UBE2W: variants seen among roughly 807,000 people sequenced by gnomAD.
The protein encoded by UBE2W is ubiquitin-conjugating enzyme E2 W.
In UBE2W, 18 loss-of-function variants were observed where a neutral mutation model predicts 27.2. That is an observed-to-expected ratio of 0.66 (90% CI 0.46 to 0.98). The LOEUF is 0.98. Ranked by LOEUF, UBE2W falls within the 50% of genes least tolerant of loss-of-function variation. The pLI, the probability that UBE2W is intolerant of heterozygous loss-of-function variation, is 0.00. For synonymous variants in UBE2W, 53 were observed against 57.2 expected (o/e 0.93, Z 0.33); for missense variants, 90 against 180.2 (o/e 0.50, Z 2.87).
intron 5 of UBE2W, 26 bp from the exon 6 acceptor site, chr8:73,794,141 A>G (rs747684009): frequency 1.1e-5 from 17 of 1,610,758 alleles, no homozygotes; most frequent in Non-Finnish European, 1.4e-5. Flanking sequence ...AAAAAAGATA[A>G]TTAAAAAGTC....
Position 73,804,724 on chromosome 8 carries a change from C to CTT in UBE2W, c.442+925_442+926dup, listed in dbSNP as rs530482301. Among the ~76,000 whole-genome samples the CTT allele has an allele frequency of 1.7e-4, 25 of 145,442 alleles. No homozygotes were observed. The South Asian group carries it at 5.5e-3, about 32-fold the overall frequency. On this transcript the variant is annotated intron_variant, in intron 5 of 5. Coordinates refer to ENST00000602593, the MANE Select transcript of UBE2W (RefSeq NM_018299.6). ...ACAACAGACTTCCCAGTAACTAGTT[C>CTT]TTTTTTTTTTTTCCTTTGGAGATAG...
chr8:73,845,722 A>G (rs1022874935), intron 1 of UBE2W, among the ~76,000 whole-genome samples: 2 of 150,580 alleles, frequency 1.3e-5, no homozygotes, highest in Non-Finnish European at 3.0e-5. Context: ...AAAAAATTTA[A>G]AAAAAAAAAG....
intron 5 of UBE2W, chr8:73,796,694 T>C (rs1033127602): frequency 4.1e-6 from 4 of 980,122 alleles, no homozygotes; most frequent in African/African-American, 1.7e-5. Context: ...ATGATGGCTA[T>C]ATGTAATCAA....
chr8:73,828,225 T>C (rs7823060), intron 2 of UBE2W, among the ~76,000 whole-genome samples: 148,602 of 152,278 alleles, frequency 0.98, 72,516 homozygotes, highest in African/African-American at 0.99. Context: ...TTTCTTCACA[T>C]ATCATGGTTC....
rs1491124189 is a variant in UBE2W at position 73,791,263 on chromosome 8, C to CAAA, written c.*2836_*2838dup. On this transcript the variant is annotated 3_prime_UTR_variant, in exon 6 of 6. Transcript: ENST00000602593. ...CCTATGGCATTAATCCCTACTTGAC[C>CAAA]AAAGAAAAAAAAAAAAAAGAAGGGC... The CAAA allele has an allele frequency of 2.5e-4, 238 of 961,356 alleles. 3 individuals carry two copies. In the African/African-American group the frequency reaches 5.0e-3, roughly 20 times the overall value. The allele number at this position is 961,356 out of a possible 1,614,324, so 59.6% of individuals were successfully genotyped here. A position where few individuals can be genotyped will look rare whatever the true frequency, so the allele number is the denominator to read the frequency against.
At chr8:73,859,482 G>A (rs1425396604) in intron 1 of UBE2W, among the ~76,000 whole-genome samples, 2 of 152,134 alleles carry the variant, frequency 1.3e-5, no homozygotes, top group African/African-American at 4.8e-5. Context: ...CTCCAGCCTG[G>A]GTGACAGAGT....
At chr8:73,823,122 A>G (rs2130895939) in intron 3 of UBE2W, among the ~76,000 whole-genome samples, 2 of 152,286 alleles carry the variant, frequency 1.3e-5, no homozygotes, top group South Asian at 4.2e-4. Context: ...GAAGAGTGAG[A>G]AGAGTAACAC....
At chr8:73,865,480 T>C (rs1314937249) in intron 1 of UBE2W, among the ~76,000 whole-genome samples, 1 of 152,096 alleles carries the variant, frequency 6.6e-6, no homozygotes, top group African/African-American at 2.4e-5. Flanking sequence ...GGTGTAGTGG[T>C]GTGCACCTGT....
At chr8:73,838,425 C>T (rs921225262) in intron 1 of UBE2W, among the ~76,000 whole-genome samples, 20 of 152,118 alleles carry the variant, frequency 1.3e-4, no homozygotes, top group South Asian at 2.1e-4. Context: ...CAACAGCCTG[C>T]GATATGCGAC....
intron 3 of UBE2W, among the ~76,000 whole-genome samples, chr8:73,821,772 G>A (rs1809625323): frequency 6.6e-6 from 1 of 152,030 alleles, no homozygotes; most frequent in African/African-American, 2.4e-5. Flanking sequence ...CCAAGGAGGT[G>A]GGCTGATCGC....
Position 73,830,464 on chromosome 8 carries a change from T to C in UBE2W, c.24A>G (p.Leu8=), listed in dbSNP as rs200924920. The C allele has an allele frequency of 9.9e-5, 159 of 1,613,400 alleles. No individual in the cohort carries two copies. The highest frequency in any genetic ancestry group is 4.0e-5 in the Non-Finnish European group (47 of 1,179,480). The part of the protein sequence containing the change: MASMQKR[L]QKELLALQND... The stretch of plus-strand genomic sequence containing the variant: ...TTTGCAAAGCCAACAGTTCTTTCTG[T>C]AGTCGTTTCTAGAAAAGAACATCAA... Residue 8 remains leucine, a synonymous_variant, in exon 2 of 6, where the codon CTA becomes CTG. Transcript: ENST00000602593.
At chr8:73,870,135 A>T in intron 1 of UBE2W, 2 of 923,252 alleles carry the variant, frequency 2.2e-6, no homozygotes, top group Non-Finnish European at 3.4e-6. Context: ...GGTAAGTTTT[A>T]TATGTGGATT....
chr8:73,800,258 A>G (rs113804217), intron 5 of UBE2W, among the ~76,000 whole-genome samples: 8,068 of 152,310 alleles, frequency 0.053, 691 homozygotes, highest in African/African-American at 0.18. Flanking sequence ...TCAATGTGTA[A>G]CAAATATTTC....
Position 73,792,832 on chromosome 8 carries a change from G to C in UBE2W, c.*1270C>G, listed in dbSNP as rs1403658543. The C allele has an allele frequency of 3.0e-6, 3 of 985,136 alleles. No individual in the cohort carries two copies. In the East Asian group the frequency reaches 3.4e-4, roughly 112 times the overall value. The allele number at this position is 985,136 out of a possible 1,614,324, so 61.0% of individuals were successfully genotyped here. On this transcript the variant is annotated 3_prime_UTR_variant, in exon 6 of 6. Coordinates refer to ENST00000602593, the MANE Select transcript of UBE2W (RefSeq NM_018299.6). ...AAAGTTTCATCTAGCTGTAAGCAAA[G>C]TCTTTTCAACAACAACAAAACAAAA... is the stretch of plus-strand genomic sequence containing the variant.
intron 1 of UBE2W, among the ~76,000 whole-genome samples, chr8:73,842,562 A>G (rs1436806843): frequency 7.0e-6 from 1 of 143,398 alleles, no homozygotes; most frequent in African/African-American, 2.6e-5. Flanking sequence ...AAAAAAAATG[A>G]CGTGGACGTG....
intron 3 of UBE2W, among the ~76,000 whole-genome samples, chr8:73,821,213 G>A (rs537989945): frequency 9.2e-5 from 14 of 152,144 alleles, no homozygotes; most frequent in African/African-American, 3.1e-4. Flanking sequence ...CGTGAACAAG[G>A]CACTTCACTT....
At chr8:73,861,999 G>T (rs988933300) in intron 1 of UBE2W, among the ~76,000 whole-genome samples, 1 of 152,212 alleles carries the variant, frequency 6.6e-6, no homozygotes, top group African/African-American at 2.4e-5. Context: ...CTTTCAAGAG[G>T]ATTAAACTTT....
At chr8:73,817,804 C>T (rs1427077669) in intron 3 of UBE2W, among the ~76,000 whole-genome samples, 3 of 152,302 alleles carry the variant, frequency 2.0e-5, no homozygotes, top group African/African-American at 4.8e-5. Context: ...TGAGCCACCA[C>T]GCCCAGTTGT....
In UBE2W at chr8:73,790,127, T is replaced by A. The variant is rs1324431007; in HGVS notation, c.*3975A>T. 1.2e-5 allele frequency: 12 copies of A among 985,104 alleles called. No individual in the cohort carries two copies. Among genetic ancestry groups the A allele is most frequent in the Non-Finnish European group, 1.4e-5 (12 of 829,774 alleles). The allele number at this position is 985,104 out of a possible 1,614,324, so 61.0% of individuals were successfully genotyped here. A position where few individuals can be genotyped will look rare whatever the true frequency, so the allele number is the denominator to read the frequency against. ...TTTGTAGGAGAGCATTTTAAATTTT[T>A]CAAAAATTCATGGCATAATTTTAAT... On this transcript the variant is annotated 3_prime_UTR_variant, in exon 6 of 6. Transcript: ENST00000602593.
Sources: gnomAD v4.1 joint callset for allele counts (sites outside exome capture counted in the v4.1 genomes callset) on GRCh38, gnomAD v4.1.1 for gene constraint, MANE v1.5 for transcripts, NCBI Gene and HGNC (gene_info 2026-07-23, HGNC 2026-07-21) for gene names.